CTDSPL2: variants seen among roughly 807,000 people sequenced by gnomAD.
The protein encoded by CTDSPL2 is CTD small phosphatase-like protein 2.
In CTDSPL2, 5 loss-of-function variants were observed where a neutral mutation model predicts 60.0. That is an observed-to-expected ratio of 0.08 (90% CI 0.04 to 0.18). The LOEUF (loss-of-function observed/expected upper bound fraction) is 0.18. CTDSPL2 is among the 10% of genes least tolerant of loss of function. CTDSPL2 has a pLI of 1.00. For missense variants in CTDSPL2, 370 were observed against 548.8 expected, an observed-to-expected ratio of 0.67 and a Z score of 3.26; for synonymous variants, 186 against 189.3, an observed-to-expected ratio of 0.98 and a Z score of 0.14.
chr15:44,507,113 G>A (rs1018616098), intron 8 of CTDSPL2, among the ~76,000 whole-genome samples: 6 of 145,426 alleles, frequency 4.1e-5, no homozygotes, highest in South Asian at 2.2e-4. Flanking sequence ...ACTGAGTCTC[G>A]CTACTCTGTC....
intron 11 of CTDSPL2, chr15:44,520,483 A>G (rs796692549): frequency 6.6e-5 from 10 of 152,366 alleles, no homozygotes; most frequent in African/African-American, 2.4e-4. Flanking sequence ...TTGCTTCACA[A>G]TAAGCCAGTC....
intron 4 of CTDSPL2, among the ~76,000 whole-genome samples, chr15:44,488,773 C>T (rs1165654133): frequency 2.0e-5 from 3 of 152,044 alleles, no homozygotes; most frequent in South Asian, 2.1e-4. Context: ...GAGCTGAGAT[C>T]GCACCATTGC....
intron 7 of CTDSPL2, 42 bp from the exon 8 acceptor site, chr15:44,499,685 T>G (rs2081356888): frequency 5.1e-6 from 6 of 1,173,262 alleles, no homozygotes; most frequent in Non-Finnish European, 7.4e-6. Context: ...TGAAGTTTCT[T>G]TTACTATCTT....
rs575692164 is a variant in CTDSPL2 at position 44,523,075 on chromosome 15, C to T, written c.1336-1034C>T. Among the ~76,000 whole-genome samples, 8 of 152,180 alleles carry T rather than the reference C, an allele frequency of 5.3e-5. No homozygotes were observed. The South Asian group carries it at 1.4e-3, about 28-fold the overall frequency. On this transcript the variant is annotated intron_variant, in intron 12 of 12. Coordinates refer to ENST00000260327, the MANE Select transcript of CTDSPL2 (RefSeq NM_016396.3). The stretch of plus-strand genomic sequence containing the variant: ...GCAGTGGCGCAATCTCGGCTCACTG[C>T]AGCCTCCGCCTCCCATGTTCAAGGG...
In CTDSPL2 at chr15:44,527,540, C is replaced by T. The variant is rs549802844; in HGVS notation, c.*3366C>T. 16 of 152,224 alleles carry T rather than the reference C, an allele frequency of 1.1e-4. No individual in the cohort carries two copies. The highest frequency in any genetic ancestry group is 3.9e-4 in the African/African-American group (16 of 41,552). The allele number at this position is 152,224 out of a possible 1,614,324, so 9.4% of individuals were successfully genotyped here. A position where few individuals can be genotyped will look rare whatever the true frequency, so the allele number is the denominator to read the frequency against. ...CCATGTCTGTGTCAATCACATAAAG[C>T]TAAAATGTAAAGGACATTGAAGCCT... On this transcript the variant is annotated 3_prime_UTR_variant, in exon 13 of 13. Coordinates refer to ENST00000260327, the MANE Select transcript of CTDSPL2 (RefSeq NM_016396.3).
At chr15:44,491,892 C>T (rs1567090983) in intron 5 of CTDSPL2, among the ~76,000 whole-genome samples, 1 of 152,200 alleles carries the variant, frequency 6.6e-6, no homozygotes, top group South Asian at 2.1e-4. Flanking sequence ...GGTGGAGTCT[C>T]ACTCTGTCGC....
chr15:44,468,450 T>G (rs1052514625), intron 2 of CTDSPL2, among the ~76,000 whole-genome samples: 1 of 152,216 alleles, frequency 6.6e-6, no homozygotes, highest in African/African-American at 2.4e-5. Flanking sequence ...ATTTCATTAT[T>G]CGTTCAAAGG....
intron 1 of CTDSPL2, among the ~76,000 whole-genome samples, chr15:44,434,964 G>T (rs970951068): frequency 6.6e-6 from 1 of 152,038 alleles, no homozygotes; most frequent in African/African-American, 2.4e-5. Flanking sequence ...TTGTGAATAG[G>T]ATTAAAATAA....
intron 2 of CTDSPL2, among the ~76,000 whole-genome samples, chr15:44,462,700 CTTTTTTTTTTTTTT>C (rs554319789): frequency 1.9e-4 from 16 of 83,746 alleles, no homozygotes; most frequent in Non-Finnish European, 2.2e-5. Flanking sequence ...ACACTCAGGA[CTTTTTTTTTTTTTT>C]TTTTTTTTTT....
At position 44,486,561 on chromosome 15, in the gene CTDSPL2, T is replaced by G. The variant is rs770482921; in HGVS notation, c.336T>G (p.Ser112Arg). 3 of 1,551,888 alleles carry G rather than the reference T, an allele frequency of 1.9e-6. No individual in the cohort carries two copies. The highest frequency in any genetic ancestry group is 1.9e-4 in the Middle Eastern group (1 of 5,250). Residue 112 changes from serine to arginine, a missense_variant, in exon 4 of 13, where the codon AGT becomes AGG. Ser to Arg is a moderately radical substitution (Grantham distance 110, BLOSUM62 -1). Coordinates refer to ENST00000260327, the MANE Select transcript of CTDSPL2 (RefSeq NM_016396.3). ...RKSQVNGEAG[S>R]YEMTNQHVKQ... ...TTGTTTCTTTTTTAGAAGCTGGTAG[T>G]TATGAAATGACAAATCAACATGTAA...
chr15:44,523,813 C>T (rs113510295), intron 12 of CTDSPL2, among the ~76,000 whole-genome samples: 31 of 152,052 alleles, frequency 2.0e-4, no homozygotes, highest in Admixed American at 3.3e-4. Context: ...GCACAAGAAT[C>T]GCTTGAACCC....
intron 1 of CTDSPL2, among the ~76,000 whole-genome samples, chr15:44,447,105 C>G (rs2080233503): frequency 2.0e-5 from 3 of 152,108 alleles, no homozygotes; most frequent in African/African-American, 7.2e-5. Flanking sequence ...GAAATTTTTA[C>G]TTAAAACACT....
In CTDSPL2 at chr15:44,521,373, A is replaced by C. The variant is rs61378134; in HGVS notation, c.1302A>C (p.Lys434Asn). Residue 434 changes from lysine to asparagine, a missense_variant, in exon 12 of 13, where the codon AAA becomes AAC. This residue lies in a region of CTDSPL2 where 46 missense variants were observed against 126.0 expected (regional missense o/e 0.37). Transcript: ENST00000260327. ...ATAAAAATGACAATGAACTCCTAAA[A>C]TTGATTCCATTCCTGGAGAAGCTTG... ...FMDKNDNELL[K>N]LIPFLEKLVE... The C allele has an allele frequency of 6.3e-7, 1 of 1,594,578 alleles. No homozygotes were observed. Among genetic ancestry groups the C allele is most frequent in the East Asian group, 2.2e-5 (1 of 44,462 alleles).
In CTDSPL2 at chr15:44,500,110, G is replaced by C. The variant is rs186659478; in HGVS notation, c.969+297G>C. Among the ~76,000 whole-genome samples, 264 of 152,282 alleles carry C rather than the reference G, an allele frequency of 1.7e-3. 2 individuals are homozygous for C. The highest frequency in any genetic ancestry group is 6.2e-3 in the African/African-American group (256 of 41,564). On this transcript the variant is annotated intron_variant, in intron 8 of 12. Coordinates refer to ENST00000260327, the MANE Select transcript of CTDSPL2 (RefSeq NM_016396.3). ...GAGCACTGACATCATAGATCCTCAA[G>C]AGGAACTTGCCAGGTTAACTCCTGG...
At position 44,428,042 on chromosome 15, in the gene CTDSPL2, C is replaced by T. The variant is rs891545910; in HGVS notation, c.-25+270C>T. The stretch of plus-strand genomic sequence containing the variant: ...CGTTGTGATTTCTGGGGTTAGATTT[C>T]ACTTTGCTACCCACCCCCACTCCGA... On this transcript the variant is annotated intron_variant, in intron 1 of 12. Coordinates refer to ENST00000260327, the MANE Select transcript of CTDSPL2 (RefSeq NM_016396.3). The T allele has an allele frequency of 1.5e-5, 3 of 205,124 alleles. No individual in the cohort carries two copies. The East Asian group carries it at 3.1e-4, about 21-fold the overall frequency. The allele number at this position is 205,124 out of a possible 1,614,324, so 12.7% of individuals were successfully genotyped here.
At chr15:44,432,870 C>A (rs1333885512) in intron 1 of CTDSPL2, among the ~76,000 whole-genome samples, 1 of 152,010 alleles carries the variant, frequency 6.6e-6, no homozygotes, top group African/African-American at 2.4e-5. Context: ...GATCCACCTG[C>A]CTCGGTCTCC....
intron 5 of CTDSPL2, among the ~76,000 whole-genome samples, chr15:44,494,139 C>T (rs540892347): frequency 6.6e-6 from 1 of 152,136 alleles, no homozygotes; most frequent in African/African-American, 2.4e-5. Flanking sequence ...TTGTAAGTTA[C>T]CTTTGTCTTC....
At chr15:44,430,300 C>G (rs570893178) in intron 1 of CTDSPL2, among the ~76,000 whole-genome samples, 34 of 152,172 alleles carry the variant, frequency 2.2e-4, no homozygotes, top group African/African-American at 7.2e-4. Context: ...ATGGGGGTCT[C>G]TCTTTGTGGC....
intron 4 of CTDSPL2, 70 bp downstream of exon 4, chr15:44,486,770 T>G (rs2081127487): frequency 8.1e-7 from 1 of 1,239,462 alleles, no homozygotes; most frequent in African/African-American, 1.6e-5. Context: ...TTTTTTTTTT[T>G]TTTTTTCTTG....
Sources: gnomAD v4.1 joint callset for allele counts (sites outside exome capture counted in the v4.1 genomes callset) on GRCh38, gnomAD v4.1.1 for gene constraint, gnomAD v4.1.1 regional missense constraint, MANE v1.5 for transcripts, NCBI Gene and HGNC (gene_info 2026-07-23, HGNC 2026-07-21) for gene names.